The following PCDH15 variants were observed in gnomAD, a reference collection of about 807,000 sequenced individuals.
The protein encoded by PCDH15 is protocadherin related 15.
A neutral mutation model predicts 178.5 loss-of-function variants in PCDH15; 129 were observed. That is an observed-to-expected ratio of 0.72 (90% CI 0.63 to 0.84). The LOEUF (loss-of-function observed/expected upper bound fraction) is 0.84. PCDH15 is among the 40% of genes least tolerant of loss of function. The pLI is 0.00. For missense variants in PCDH15, 2,230 were observed against 2,099.9 expected (o/e 1.06, Z -1.21); for synonymous variants, 800 against 732.0 (o/e 1.09, Z -1.50).
At chr10:55,542,183 C>A (rs1468433629) in intron 2 of PCDH15, among the ~76,000 whole-genome samples, 1 of 151,000 alleles carries the variant, frequency 6.6e-6, no homozygotes, top group African/African-American at 2.4e-5. Flanking sequence ...TACAGTATGT[C>A]TATATATGTG....
At chr10:54,371,508 T>G (rs1244741901) in intron 4 of PCDH15, among the ~76,000 whole-genome samples, 1 of 151,856 alleles carries the variant, frequency 6.6e-6, no homozygotes, top group Non-Finnish European at 1.5e-5. Context: ...ATGGTTGTCA[T>G]GGAAACATCC....
chr10:54,155,283 C>A (rs541824657), intron 13 of PCDH15, among the ~76,000 whole-genome samples: 14 of 152,052 alleles, frequency 9.2e-5, no homozygotes, highest in Non-Finnish European at 1.5e-4. Flanking sequence ...AAGGTACCCA[C>A]CTGGGAGATG....
chr10:53,938,756 T>A, intron 25 of PCDH15, 59 bp downstream of exon 25: 1 of 1,554,690 alleles, frequency 6.4e-7, no homozygotes, highest in Non-Finnish European at 8.8e-7. Context: ...GTATTTCATT[T>A]AAAAAATTAG....
At chr10:54,483,064 C>A (rs142069310) in intron 3 of PCDH15, among the ~76,000 whole-genome samples, 26 of 151,886 alleles carry the variant, frequency 1.7e-4, no homozygotes, top group African/African-American at 6.0e-4. Context: ...AGTATAGAAA[C>A]AATGTAATGA....
chr10:55,287,479 C>G (rs1000353556), intron 1 of PCDH15, among the ~76,000 whole-genome samples: 1 of 151,992 alleles, frequency 6.6e-6, no homozygotes, highest in South Asian at 2.1e-4. Flanking sequence ...AGTAAGGCTA[C>G]ACGTTCCTCT....
intron 2 of PCDH15, among the ~76,000 whole-genome samples, chr10:54,568,317 A>C (rs938440862): frequency 1.3e-5 from 2 of 151,864 alleles, no homozygotes; most frequent in East Asian, 1.9e-4. Flanking sequence ...CAAGAAATCT[A>C]CTTCACCACT....
At chr10:54,864,621 T>C (rs1272423802) in intron 3 of PCDH15, 3 of 152,118 alleles carry the variant, frequency 2.0e-5, no homozygotes, top group Middle Eastern at 3.2e-3. Flanking sequence ...ATCAAGGTTT[T>C]TGGGAGGTTG....
At chr10:55,228,598 T>C (rs1000408581) in intron 1 of PCDH15, among the ~76,000 whole-genome samples, 1 of 152,038 alleles carries the variant, frequency 6.6e-6, no homozygotes, top group African/African-American at 2.4e-5. Context: ...AATACATGTA[T>C]GTTTGATTCA....
At chr10:54,011,585 A>G (rs1423035070) in intron 20 of PCDH15, among the ~76,000 whole-genome samples, 1 of 152,190 alleles carries the variant, frequency 6.6e-6, no homozygotes, top group Non-Finnish European at 1.5e-5. Context: ...GGGCACAACA[A>G]TCCTTAGGAA....
chr10:54,055,610 C>T (rs942800420), intron 18 of PCDH15, among the ~76,000 whole-genome samples: 1 of 152,114 alleles, frequency 6.6e-6, no homozygotes, highest in African/African-American at 2.4e-5. Flanking sequence ...ATGAGATACT[C>T]CTACAAAGGC....
intron 2 of PCDH15, among the ~76,000 whole-genome samples, chr10:55,523,210 C>T (rs1841225289): frequency 1.3e-5 from 2 of 151,292 alleles, no homozygotes; most frequent in Admixed American, 1.3e-4. Context: ...ACTTTTTCTC[C>T]CTCTCCTCCA....
At chr10:53,987,143 T>C (rs1372682001) in intron 21 of PCDH15, among the ~76,000 whole-genome samples, 1 of 152,144 alleles carries the variant, frequency 6.6e-6, no homozygotes, top group Non-Finnish European at 1.5e-5. Flanking sequence ...AATGGAGATT[T>C]TTTTAAGCAG....
At chr10:54,273,374 T>TAA (rs201148501) in intron 8 of PCDH15, among the ~76,000 whole-genome samples, 2 of 81,162 alleles carry the variant, frequency 2.5e-5, no homozygotes, top group African/African-American at 6.6e-5. Context: ...AGTAGTACAG[T>TAA]AAAAAAAAAA....
At chr10:53,976,175 T>C (rs1181180094) in intron 21 of PCDH15, among the ~76,000 whole-genome samples, 3 of 152,174 alleles carry the variant, frequency 2.0e-5, no homozygotes, top group Non-Finnish European at 4.4e-5. Context: ...TGCAGTCTTG[T>C]ATTAATAATA....
chr10:54,762,335 G>A (rs1947986634), intron 1 of PCDH15, among the ~76,000 whole-genome samples: 1 of 152,056 alleles, frequency 6.6e-6, no homozygotes, highest in South Asian at 2.1e-4. Flanking sequence ...CAAGAATTTG[G>A]TCTAGGCTGG....
At chr10:54,561,995 T>TTTTTTC in intron 2 of PCDH15, among the ~76,000 whole-genome samples, 1 of 129,206 alleles carries the variant, frequency 7.7e-6, no homozygotes, top group Non-Finnish European at 1.7e-5. Flanking sequence ...TTTTTTTTTT[T>TTTTTTC]TTTTTTTTTT....
In PCDH15 at chr10:54,009,287, C is replaced by T. The variant is rs138899545; in HGVS notation, c.2751+10905G>A. ...ATCTTAGGACAGAGAGACACAAGAA[C>T]GGAATAATTAAGTATATAGACATGT... On this transcript the variant is annotated intron_variant, in intron 20 of 37. Coordinates refer to ENST00000644397, the MANE Select transcript of PCDH15 (RefSeq NM_001384140.1). Among the ~76,000 whole-genome samples, 268 of 151,464 alleles carry T rather than the reference C, an allele frequency of 1.8e-3. 1 individual carries two copies. Among genetic ancestry groups the T allele is most frequent in the East Asian group, 0.015 (76 of 5,124 alleles).
chr10:55,161,351 T>C (rs978113758), intron 2 of PCDH15, among the ~76,000 whole-genome samples: 2 of 152,100 alleles, frequency 1.3e-5, no homozygotes, highest in Non-Finnish European at 2.9e-5. Flanking sequence ...AATCAGACAT[T>C]TTTTAAAACT....
intron 1 of PCDH15, among the ~76,000 whole-genome samples, chr10:54,761,486 C>T (rs535570190): frequency 2.0e-5 from 3 of 151,832 alleles, no homozygotes; most frequent in African/African-American, 4.8e-5. Context: ...GTTTGAGACC[C>T]GCCTGGCCAA....
Sources: gnomAD v4.1 joint callset for allele counts (sites outside exome capture counted in the v4.1 genomes callset) on GRCh38, gnomAD v4.1.1 for gene constraint, MANE v1.5 for transcripts, NCBI Gene and HGNC (gene_info 2026-07-23, HGNC 2026-07-21) for gene names.